GABPB1: variants seen among roughly 807,000 people sequenced by gnomAD.
The protein encoded by GABPB1 is GA-binding protein subunit beta-1.
Under a neutral mutation model 45.9 loss-of-function variants are expected in GABPB1, and 15 were observed. That is an observed-to-expected ratio of 0.33 (90% CI 0.22 to 0.50). The LOEUF is 0.50. Among genes scored for constraint, GABPB1 ranks in the 20% least tolerant of loss-of-function variants. GABPB1 has a pLI of 0.98. For missense variants in GABPB1, 252 were observed against 457.5 expected (o/e 0.55, Z 4.10); for synonymous variants, 143 against 154.4 (o/e 0.93, Z 0.55).
intron 1 of GABPB1, among the ~76,000 whole-genome samples, chr15:50,344,708 C>A (rs915149326): frequency 1.3e-5 from 2 of 152,040 alleles, no homozygotes; most frequent in Non-Finnish European, 2.9e-5. Flanking sequence ...CATGGTGGTG[C>A]ACGCCTGAAA....
At chr15:50,348,745 C>T (rs1017466199) in intron 1 of GABPB1, among the ~76,000 whole-genome samples, 1 of 151,894 alleles carries the variant, frequency 6.6e-6, no homozygotes, top group Non-Finnish European at 1.5e-5. Flanking sequence ...ACCTGTAGTC[C>T]CAGCTACTCG....
At chr15:50,317,488 ACT>A (rs1188719745) in intron 1 of GABPB1, among the ~76,000 whole-genome samples, 1 of 150,946 alleles carries the variant, frequency 6.6e-6, no homozygotes, top group Non-Finnish European at 1.5e-5. Flanking sequence ...CCTTTTTTCT[ACT>A]TTTTTCTAAG....
At chr15:50,297,456 TG>T (rs2046562819) in intron 6 of GABPB1, among the ~76,000 whole-genome samples, 1 of 151,942 alleles carries the variant, frequency 6.6e-6, no homozygotes, top group Admixed American at 6.6e-5. Context: ...CCTCGTAACC[TG>T]CCCACCTCAG....
chr15:50,354,430 C>G (rs1340148374), intron 1 of GABPB1: 2 of 449,980 alleles, frequency 4.4e-6, no homozygotes, highest in Non-Finnish European at 4.5e-6. Flanking sequence ...CGCCTCTCGG[C>G]CCCGCAGCAC....
intron 6 of GABPB1, among the ~76,000 whole-genome samples, chr15:50,298,525 A>G (rs760483909): frequency 6.6e-6 from 1 of 152,258 alleles, no homozygotes; most frequent in Non-Finnish European, 1.5e-5. Flanking sequence ...TAAAAGCAGC[A>G]TGTTAGTATG....
At chr15:50,319,146 C>A (rs2047460116) in intron 1 of GABPB1, among the ~76,000 whole-genome samples, 1 of 152,158 alleles carries the variant, frequency 6.6e-6, no homozygotes, top group South Asian at 2.1e-4. Flanking sequence ...AAGAGCTAAT[C>A]ATAAAATGGA....
Position 50,276,325 on chromosome 15 carries a change from G to T in GABPB1, c.*2307C>A, listed in dbSNP as rs2045838488. 1 of 152,230 alleles carries T rather than the reference G, an allele frequency of 6.6e-6. No individual in the cohort carries two copies. The highest frequency in any genetic ancestry group is 3.2e-3 in the Middle Eastern group (1 of 316). 9.4% of individuals were successfully genotyped at this position (152,230 alleles called of 1,614,324 possible). A position where few individuals can be genotyped will look rare whatever the true frequency, so the allele number is the denominator to read the frequency against. On this transcript the variant is annotated 3_prime_UTR_variant, in exon 9 of 9. Coordinates refer to ENST00000380877, the MANE Select transcript of GABPB1 (RefSeq NM_016654.5). Reference sequence around the variant, plus strand: ...TTTACAGCCCACCTGAAAACAGCATGAAATAAGTGAAGGGAAGAAGACACC... The same window carrying T: ...TTTACAGCCCACCTGAAAACAGCATTAAATAAGTGAAGGGAAGAAGACACC...
chr15:50,345,720 G>A (rs28368187), intron 1 of GABPB1, among the ~76,000 whole-genome samples: 1 of 142,676 alleles, frequency 7.0e-6, no homozygotes. Context: ...ATTTTTTTTT[G>A]TTTTTTTTTT....
intron 7 of GABPB1, among the ~76,000 whole-genome samples, chr15:50,286,972 ACT>A (rs1347272462): frequency 6.6e-6 from 1 of 152,100 alleles, no homozygotes; most frequent in African/African-American, 2.4e-5. Flanking sequence ...AACATGAAAA[ACT>A]CTCTTAGTGA....
intron 1 of GABPB1, among the ~76,000 whole-genome samples, chr15:50,340,419 T>C (rs1226556754): frequency 2.0e-5 from 3 of 152,112 alleles, no homozygotes; most frequent in Non-Finnish European, 4.4e-5. Context: ...AATGTATACA[T>C]TGAAAATCCT....
At chr15:50,347,830 C>CAGAT (rs2141180133) in intron 1 of GABPB1, among the ~76,000 whole-genome samples, 1 of 152,120 alleles carries the variant, frequency 6.6e-6, no homozygotes, top group South Asian at 2.1e-4. Context: ...CCAAGGTGGG[C>CAGAT]AGATCACTTG....
chr15:50,321,649 C>T (rs1023212948), intron 1 of GABPB1, among the ~76,000 whole-genome samples: 2 of 151,238 alleles, frequency 1.3e-5, no homozygotes, highest in African/African-American at 4.9e-5. Context: ...TTGCAGCGAG[C>T]CGAGATTCCG....
At chr15:50,309,143 C>T (rs982999547) in intron 2 of GABPB1, among the ~76,000 whole-genome samples, 2 of 152,054 alleles carry the variant, frequency 1.3e-5, no homozygotes, top group African/African-American at 4.8e-5. Flanking sequence ...TCCATATCCA[C>T]AAGACAATAC....
intron 1 of GABPB1, among the ~76,000 whole-genome samples, chr15:50,335,852 T>C (rs1490129388): frequency 3.0e-5 from 4 of 133,142 alleles, no homozygotes; most frequent in South Asian, 4.7e-4. Context: ...GCCGAGATCA[T>C]GGTGCTGCAC....
chr15:50,291,974 G>A (rs1482390844), intron 6 of GABPB1, among the ~76,000 whole-genome samples: 4 of 150,786 alleles, frequency 2.7e-5, no homozygotes, highest in African/African-American at 9.7e-5. Flanking sequence ...GGAGAGAAAG[G>A]AGGAAATGGG....
intron 1 of GABPB1, chr15:50,349,513 C>T (rs773697716): frequency 1.3e-5 from 2 of 152,158 alleles, no homozygotes; most frequent in Non-Finnish European, 2.9e-5. Context: ...TAAAATCACA[C>T]AGCTAGAGTA....
intron 1 of GABPB1, chr15:50,354,375 TTCCATTAACCC>T: frequency 4.4e-6 from 2 of 452,108 alleles, no homozygotes; most frequent in Middle Eastern, 3.3e-4. Flanking sequence ...GGCCAGGCTC[TTCCATTAACCC>T]TGTCTGGTCC....
At chr15:50,325,456 A>G (rs1233626385) in intron 1 of GABPB1, among the ~76,000 whole-genome samples, 3 of 152,182 alleles carry the variant, frequency 2.0e-5, no homozygotes, top group African/African-American at 7.2e-5. Context: ...TGACAAAAAA[A>G]AAAAATCATC....
Position 50,301,510 on chromosome 15 carries a change from A to G in GABPB1, c.472-142T>C, listed in dbSNP as rs959383922. ...AAGTGGAAATATTTGTCTAAGGTCC[A>G]CTGACAGTGTAGGGGCACATCATGG... On this transcript the variant is annotated intron_variant, in intron 4 of 8. Coordinates refer to ENST00000380877, the MANE Select transcript of GABPB1 (RefSeq NM_016654.5). The G allele has an allele frequency of 1.0e-5, 8 of 767,194 alleles. No homozygotes were observed. In the African/African-American group the frequency reaches 1.4e-4, roughly 13 times the overall value. 47.5% of individuals were successfully genotyped at this position (767,194 alleles called of 1,614,324 possible). A position where few individuals can be genotyped will look rare whatever the true frequency, so the allele number is the denominator to read the frequency against.
Sources: gnomAD v4.1 joint callset for allele counts (sites outside exome capture counted in the v4.1 genomes callset) on GRCh38, gnomAD v4.1.1 for gene constraint, MANE v1.5 for transcripts, NCBI Gene and HGNC (gene_info 2026-07-23, HGNC 2026-07-21) for gene names.